SPON1: variants seen among roughly 807,000 people sequenced by gnomAD.
The protein encoded by SPON1 is spondin-1.
Under a neutral mutation model 111.7 loss-of-function variants are expected in SPON1, and 52 were observed. The observed-to-expected ratio is 0.47, with a 90% CI of 0.37 to 0.59. The LOEUF is 0.59. Among genes scored for constraint, SPON1 ranks in the 20% least tolerant of loss-of-function variants. The pLI, the probability that SPON1 is intolerant of heterozygous loss-of-function variation, is 0.00. For missense variants in SPON1, 957 were observed against 1,068.5 expected, an observed-to-expected ratio of 0.90 and a Z score of 1.46; for synonymous variants, 410 against 395.8, an observed-to-expected ratio of 1.04 and a Z score of -0.43.
At chr11:14,240,589 T>TTGTGTGTGTGTGTGTGTG (rs56265194) in intron 6 of SPON1, among the ~76,000 whole-genome samples, 5 of 140,344 alleles carry the variant, frequency 3.6e-5, no homozygotes, top group Admixed American at 7.2e-5. Flanking sequence ...AGAAGCAATA[T>TTGTGTGTGTGTGTGTGTG]TGTGTGTGTG....
intron 3 of SPON1, among the ~76,000 whole-genome samples, chr11:14,060,222 T>C (rs1456342375): frequency 6.6e-5 from 10 of 152,176 alleles, no homozygotes; most frequent in African/African-American, 2.4e-4. Flanking sequence ...ATATAGAAAC[T>C]CGGCCTTCAC....
chr11:14,046,755 T>A (rs1554917874), intron 3 of SPON1, among the ~76,000 whole-genome samples: 1 of 152,216 alleles, frequency 6.6e-6, no homozygotes, highest in African/African-American at 2.4e-5. Context: ...TGATAAAAAA[T>A]CATTTTGGGA....
At chr11:14,223,411 T>C (rs1205820087) in intron 6 of SPON1, among the ~76,000 whole-genome samples, 1 of 152,116 alleles carries the variant, frequency 6.6e-6, no homozygotes, top group Non-Finnish European at 1.5e-5. Context: ...ATTGGCAAAA[T>C]TGGGGTAACG....
At chr11:14,014,638 T>C (rs1554914114) in intron 2 of SPON1, among the ~76,000 whole-genome samples, 1 of 152,166 alleles carries the variant, frequency 6.6e-6, no homozygotes, top group African/African-American at 2.4e-5. Flanking sequence ...AGAATCCTAC[T>C]GTCGGGCATT....
At chr11:14,080,134 T>C in intron 5 of SPON1, 113 bp downstream of exon 5, 1 of 1,249,092 alleles carries the variant, frequency 8.0e-7, no homozygotes. Flanking sequence ...TATTGGCTGG[T>C]TCATGAAATG....
rs1004708423 is a variant in SPON1 at position 14,259,203 on chromosome 11, G to A, written c.1493-77G>A. ...CTGACTCCTCTTGATTCCCGCTGGCGGGAAGTTCCCACCGCGCAGCCTGGC... is the reference window on the plus strand; with the variant it reads ...CTGACTCCTCTTGATTCCCGCTGGCAGGAAGTTCCCACCGCGCAGCCTGGC... On this transcript the variant is annotated intron_variant, in intron 11 of 15. Transcript: ENST00000576479. This position sits in a 1 kb window ranked among gnomAD's most constrained non-coding sequence, Gnocchi z 5.0. 6 of 1,459,408 alleles carry A rather than the reference G, an allele frequency of 4.1e-6. No homozygotes were observed. Among genetic ancestry groups the A allele is most frequent in the South Asian group, 4.1e-5 (3 of 73,048 alleles). The allele number at this position is 1,459,408 out of a possible 1,614,324, so 90.4% of individuals were successfully genotyped here.
Position 13,979,856 on chromosome 11 carries a change from G to A in SPON1, c.239-2991G>A, listed in dbSNP as rs117410084. ...TCTGTTCCCTTTCCTCCAGAATTGTGTATAATGGCCTTGAAGACCACCCAC... is the reference window on the plus strand; with the variant it reads ...TCTGTTCCCTTTCCTCCAGAATTGTATATAATGGCCTTGAAGACCACCCAC... On this transcript the variant is annotated intron_variant, in intron 1 of 15. Transcript: ENST00000576479. Among the ~76,000 whole-genome samples, 5 of 152,266 alleles carry A rather than the reference G, an allele frequency of 3.3e-5. No individual in the cohort carries two copies. In the East Asian group the frequency reaches 5.8e-4, roughly 18 times the overall value.
intron 2 of SPON1, among the ~76,000 whole-genome samples, chr11:14,010,943 A>AT (rs1848399767): frequency 6.6e-6 from 1 of 152,252 alleles, no homozygotes; most frequent in South Asian, 2.1e-4. Flanking sequence ...AAACGGCAAT[A>AT]TAGTAGGATC....
chr11:14,165,801 T>C (rs1419186586), intron 6 of SPON1, among the ~76,000 whole-genome samples: 1 of 152,248 alleles, frequency 6.6e-6, no homozygotes, highest in African/African-American at 2.4e-5. Flanking sequence ...AAATAAACTT[T>C]ACTCTTACTG....
At chr11:14,152,228 G>A (rs10832203) in intron 6 of SPON1, among the ~76,000 whole-genome samples, 62,221 of 152,022 alleles carry the variant, frequency 0.41, 12,860 homozygotes, top group East Asian at 0.55. Flanking sequence ...CACTGACAGA[G>A]GGACTCCTTT....
chr11:14,089,655 G>A lies in SPON1; in HGVS notation c.676+9634G>A, dbSNP rs546705010. Reference sequence around the variant, plus strand: ...GGCAGCCTGTCCCTTAGCAGAGCTCGAGCTCTGTGCTGGTAGAATCCTCCT... The same window carrying A: ...GGCAGCCTGTCCCTTAGCAGAGCTCAAGCTCTGTGCTGGTAGAATCCTCCT... On this transcript the variant is annotated intron_variant, in intron 5 of 15. Coordinates refer to ENST00000576479, the MANE Select transcript of SPON1 (RefSeq NM_006108.4). Among the ~76,000 whole-genome samples, 15 of 152,270 alleles carry A rather than the reference G, an allele frequency of 9.9e-5. No homozygotes were observed. The South Asian group carries it at 2.1e-3, about 21-fold the overall frequency.
intron 5 of SPON1, among the ~76,000 whole-genome samples, chr11:14,104,794 A>G (rs1265020129): frequency 6.6e-6 from 1 of 152,098 alleles, no homozygotes; most frequent in Non-Finnish European, 1.5e-5. Flanking sequence ...TTTTGAAGTC[A>G]GTGCTGGTCC....
chr11:14,137,512 C>T (rs1256018273), intron 6 of SPON1, among the ~76,000 whole-genome samples: 1 of 152,164 alleles, frequency 6.6e-6, no homozygotes, highest in Non-Finnish European at 1.5e-5. Flanking sequence ...TCGCCCCCCT[C>T]ACATCTAGGC....
At chr11:14,179,318 T>A (rs1848213515) in intron 6 of SPON1, among the ~76,000 whole-genome samples, 1 of 152,174 alleles carries the variant, frequency 6.6e-6, no homozygotes, top group Non-Finnish European at 1.5e-5. Context: ...CAAGAATAAT[T>A]AACTCTGACA....
chr11:14,143,652 C>T (rs1847683943), intron 6 of SPON1, among the ~76,000 whole-genome samples: 2 of 150,896 alleles, frequency 1.3e-5, no homozygotes, highest in African/African-American at 4.9e-5. Context: ...GACTGAGTTG[C>T]AGGGCCCTAG....
intron 6 of SPON1, among the ~76,000 whole-genome samples, chr11:14,193,829 A>C (rs1474734311): frequency 6.6e-6 from 1 of 152,118 alleles, no homozygotes; most frequent in Non-Finnish European, 1.5e-5. Flanking sequence ...ACACGGTGAG[A>C]CCTTGCCCAT....
intron 6 of SPON1, among the ~76,000 whole-genome samples, chr11:14,221,186 A>C (rs1848676698): frequency 6.6e-6 from 1 of 152,226 alleles, no homozygotes; most frequent in Admixed American, 6.5e-5. Context: ...ATGAATGGTG[A>C]TAGATCATGG....
intron 1 of SPON1, among the ~76,000 whole-genome samples, chr11:13,964,452 T>C (rs1881515): frequency 1 from 152,080 of 152,312 alleles, 75,926 homozygotes; most frequent in Middle Eastern, 1. Flanking sequence ...GGCGCCAGGG[T>C]CACGCCGGAG....
At chr11:14,150,537 A>G (rs1847774539) in intron 6 of SPON1, among the ~76,000 whole-genome samples, 2 of 152,192 alleles carry the variant, frequency 1.3e-5, no homozygotes, top group Non-Finnish European at 1.5e-5. Flanking sequence ...TACATTGTGT[A>G]CATGTATCAA....
Sources: allele counts gnomAD v4.1 joint callset (sites outside exome capture counted in the v4.1 genomes callset), GRCh38; gene constraint gnomAD v4.1.1; non-coding constraint Gnocchi (gnomAD v3.1); transcripts MANE v1.5; gene names NCBI Gene and HGNC (gene_info 2026-07-23, HGNC 2026-07-21).